The following EBF1 variants were observed in gnomAD, a reference collection of about 807,000 sequenced individuals.
The protein encoded by EBF1 is EBF transcription factor 1.
EBF1 carries 10 observed loss-of-function variants against 68.4 expected under a neutral mutation model. That is an observed-to-expected ratio of 0.15 (90% confidence interval 0.09 to 0.25). EBF1 has a LOEUF of 0.25. Among genes scored for constraint, EBF1 ranks in the 10% least tolerant of loss-of-function variants. The pLI, the probability that EBF1 is intolerant of heterozygous loss-of-function variation, is 1.00. For synonymous variants in EBF1, 298 were observed against 299.8 expected (o/e 0.99, Z 0.06); for missense variants, 509 against 794.4 (o/e 0.64, Z 4.32).
intron 6 of EBF1, among the ~76,000 whole-genome samples, chr5:158,852,314 G>T (rs944544143): frequency 6.6e-6 from 1 of 151,896 alleles, no homozygotes; most frequent in Non-Finnish European, 1.5e-5. Context: ...AATATTCACC[G>T]CATCTGTCTG....
rs567351285 is a variant in EBF1 at position 159,045,721 on chromosome 5, C to T, written c.554+27675G>A. Among the ~76,000 whole-genome samples the T allele has an allele frequency of 2.6e-5, 4 of 152,248 alleles. No homozygotes were observed. In the East Asian group the frequency reaches 7.7e-4, roughly 29 times the overall value. ...AGGATGGAAGTCCAAAGCTGTTTGGCTAAATCAAATTGTGCATCCTAAAAT... is the reference window on the plus strand; with the variant it reads ...AGGATGGAAGTCCAAAGCTGTTTGGTTAAATCAAATTGTGCATCCTAAAAT... On this transcript the variant is annotated intron_variant, in intron 6 of 15. Coordinates refer to ENST00000313708, the MANE Select transcript of EBF1 (RefSeq NM_024007.5).
intron 10 of EBF1, among the ~76,000 whole-genome samples, chr5:158,738,872 G>A (rs554941476): frequency 5.3e-5 from 8 of 152,136 alleles, no homozygotes; most frequent in South Asian, 2.1e-4. Context: ...CTAAATATCC[G>A]TGAAACAAAA....
chr5:159,030,456 C>G (rs1768553140), intron 6 of EBF1, among the ~76,000 whole-genome samples: 1 of 152,160 alleles, frequency 6.6e-6, no homozygotes, highest in Admixed American at 6.5e-5. Context: ...TAATTAAAAT[C>G]TGATCATGAA....
intron 6 of EBF1, among the ~76,000 whole-genome samples, chr5:158,944,112 T>C (rs1221376483): frequency 6.6e-6 from 1 of 152,218 alleles, no homozygotes; most frequent in Non-Finnish European, 1.5e-5. Context: ...GGGATACATG[T>C]GCAGAACATG....
At chr5:158,973,742 C>T (rs1756130993) in intron 6 of EBF1, among the ~76,000 whole-genome samples, 2 of 152,182 alleles carry the variant, frequency 1.3e-5, no homozygotes, top group Admixed American at 1.3e-4. Context: ...CATTTATCTT[C>T]CGTGGTAAAA....
chr5:158,955,299 G>T (rs759679487), intron 6 of EBF1, among the ~76,000 whole-genome samples: 104 of 152,058 alleles, frequency 6.8e-4, no homozygotes, highest in Admixed American at 5.9e-4. Context: ...CTCCAGAATG[G>T]GCAACAAGAG....
intron 6 of EBF1, among the ~76,000 whole-genome samples, chr5:158,980,093 A>G (rs1420310980): frequency 6.6e-6 from 1 of 152,222 alleles, no homozygotes; most frequent in Non-Finnish European, 1.5e-5. Flanking sequence ...GAAAAAGAGA[A>G]GGCAAAGAAA....
At chr5:158,712,493 G>A (rs1759619155) in intron 13 of EBF1, among the ~76,000 whole-genome samples, 160 bp from the exon 14 acceptor site, 1 of 152,182 alleles carries the variant, frequency 6.6e-6, no homozygotes. Context: ...TGCTAGCTCT[G>A]TGATTAAAAT....
At chr5:159,003,672 C>T (rs768080134) in intron 6 of EBF1, among the ~76,000 whole-genome samples, 8 of 152,194 alleles carry the variant, frequency 5.3e-5, no homozygotes, top group South Asian at 4.1e-4. Flanking sequence ...GGACTCAAAG[C>T]GTGACAACAG....
rs183887903 is a variant in EBF1 at position 158,932,815 on chromosome 5, A to G, written c.555-92705T>C. On this transcript the variant is annotated intron_variant, in intron 6 of 15. Transcript: ENST00000313708. ...AACACTCCTTTAAAAGTATCTCTGT[A>G]CATCAAACCCATAATAGTTACCTCA... Among the ~76,000 whole-genome samples the G allele has an allele frequency of 3.3e-5, 5 of 152,356 alleles. No individual in the cohort carries two copies. In the South Asian group the frequency reaches 8.3e-4, roughly 25 times the overall value.
intron 14 of EBF1, among the ~76,000 whole-genome samples, chr5:158,711,087 G>A (rs1192994190): frequency 1.3e-5 from 2 of 152,114 alleles, no homozygotes; most frequent in African/African-American, 2.4e-5. Flanking sequence ...ACCAAAGAAC[G>A]TTTTTTTATG....
chr5:159,088,649 A>G (rs1460089921), intron 4 of EBF1, among the ~76,000 whole-genome samples: 4 of 152,112 alleles, frequency 2.6e-5, no homozygotes, highest in Non-Finnish European at 5.9e-5. Context: ...CACCAAGAAG[A>G]AGGCTTATTT....
chr5:158,718,408 T>C (rs1446437446), intron 11 of EBF1, among the ~76,000 whole-genome samples: 1 of 152,146 alleles, frequency 6.6e-6, no homozygotes, highest in Non-Finnish European at 1.5e-5. Flanking sequence ...CCTTTTGCCT[T>C]CCCCTTTTTT....
At chr5:158,723,407 C>G (rs1488059402) in intron 11 of EBF1, among the ~76,000 whole-genome samples, 1 of 152,158 alleles carries the variant, frequency 6.6e-6, no homozygotes, top group Admixed American at 6.5e-5. Flanking sequence ...ACACATGCCT[C>G]TGTGTCCTCA....
In EBF1 at chr5:158,863,050, A is replaced by C. The variant is rs542670936; in HGVS notation, c.555-22940T>G. On this transcript the variant is annotated intron_variant, in intron 6 of 15. Coordinates refer to ENST00000313708, the MANE Select transcript of EBF1 (RefSeq NM_024007.5). ...ACATGGCATAAAGTCCACCATTTACAATTTGGCACCAAAAACCCAGTCAGC... is the reference window on the plus strand; with the variant it reads ...ACATGGCATAAAGTCCACCATTTACCATTTGGCACCAAAAACCCAGTCAGC... Among the ~76,000 whole-genome samples, 26 of 152,242 alleles carry C rather than the reference A, an allele frequency of 1.7e-4. No homozygotes were observed. In the East Asian group the frequency reaches 3.1e-3, roughly 18 times the overall value.
chr5:159,014,113 A>G (rs976310492), intron 6 of EBF1, among the ~76,000 whole-genome samples: 2 of 152,260 alleles, frequency 1.3e-5, no homozygotes, highest in Non-Finnish European at 2.9e-5. Flanking sequence ...CAGAAAGAGA[A>G]AGAAAGTCAA....
intron 6 of EBF1, among the ~76,000 whole-genome samples, chr5:159,025,641 G>A (rs987279521): frequency 1.3e-5 from 2 of 152,202 alleles, no homozygotes; most frequent in South Asian, 2.1e-4. Flanking sequence ...GGAACTAATA[G>A]CAGCCTTTTT....
At chr5:158,919,933 C>A (rs111409805) in intron 6 of EBF1, among the ~76,000 whole-genome samples, 1 of 152,004 alleles carries the variant, frequency 6.6e-6, no homozygotes, top group Admixed American at 6.6e-5. Context: ...TATGCATTGC[C>A]CATAGCCCCA....
chr5:158,775,990 C>G (rs1775158686), intron 10 of EBF1, among the ~76,000 whole-genome samples: 1 of 152,170 alleles, frequency 6.6e-6, no homozygotes, highest in South Asian at 2.1e-4. Flanking sequence ...ATAGCTTTCT[C>G]TACGCTTCGT....
Sources: gnomAD v4.1 joint callset for allele counts (sites outside exome capture counted in the v4.1 genomes callset) on GRCh38, gnomAD v4.1.1 for gene constraint, MANE v1.5 for transcripts, NCBI Gene and HGNC (gene_info 2026-07-23, HGNC 2026-07-21) for gene names.